The following CHN1 variants were observed in gnomAD, a reference collection of about 807,000 sequenced individuals.
CHN1 encodes chimerin 1, also known as N-chimaerin.
In CHN1, 37 loss-of-function variants were observed where a neutral mutation model predicts 59.5. The ratio of observed to expected loss-of-function variants is 0.62; its 90% CI spans 0.48 to 0.82. CHN1 has a LOEUF of 0.82. Among genes scored for constraint, CHN1 ranks in the 40% least tolerant of loss-of-function variants. The pLI is 0.00. For synonymous variants in CHN1, 206 were observed against 200.4 expected, an observed-to-expected ratio of 1.03 and a Z score of -0.24; for missense variants, 469 against 571.0, an observed-to-expected ratio of 0.82 and a Z score of 1.82.
Position 175,005,319 on chromosome 2 carries a change from CG to C in CHN1, c.-408del. ...AGCAGCAGCCTCGCACAGCCCCCGG[CG>C]GGGCGCGCTCACTCCGCATCCCGCG... On this transcript the variant is annotated 5_prime_UTR_variant, in exon 1 of 13. It removes the in-frame stop codon of an upstream open reading frame in the 5' UTR. Transcript: ENST00000409900. 3 of 1,180,830 alleles carry C rather than the reference CG, an allele frequency of 2.5e-6. No homozygotes were observed. The highest frequency in any genetic ancestry group is 3.2e-6 in the Non-Finnish European group (3 of 936,654). 73.1% of individuals were successfully genotyped at this position (1,180,830 alleles called of 1,614,324 possible).
At chr2:174,955,146 CTATA>C (rs1296512290) in intron 1 of CHN1, among the ~76,000 whole-genome samples, 2 of 135,206 alleles carry the variant, frequency 1.5e-5, no homozygotes, top group Admixed American at 7.8e-5. Flanking sequence ...CTATATATCT[CTATA>C]TATCTATGTC....
chr2:174,875,062 C>T (rs780471064), intron 6 of CHN1, among the ~76,000 whole-genome samples: 4 of 151,546 alleles, frequency 2.6e-5, no homozygotes, highest in South Asian at 4.2e-4. Context: ...TTAGTAGAGA[C>T]GAGGTTTCAC....
intron 11 of CHN1, among the ~76,000 whole-genome samples, chr2:174,807,259 G>A (rs1334273670): frequency 6.6e-6 from 1 of 152,146 alleles, no homozygotes; most frequent in African/African-American, 2.4e-5. Context: ...CCTAGATATG[G>A]CGGTGTGTGG....
At chr2:174,959,235 T>G (rs933492475) in intron 1 of CHN1, among the ~76,000 whole-genome samples, 6 of 152,234 alleles carry the variant, frequency 3.9e-5, no homozygotes, top group African/African-American at 1.4e-4. Flanking sequence ...CAGGTATCTA[T>G]TAAGGCAGAG....
intron 6 of CHN1, among the ~76,000 whole-genome samples, chr2:174,876,549 G>A (rs536995230): frequency 7.4e-4 from 113 of 152,088 alleles, no homozygotes; most frequent in Admixed American, 2.7e-3. Context: ...AAGATTTGTG[G>A]TTCCTAACAA....
chr2:174,822,147 T>A (rs1213198517), intron 8 of CHN1, among the ~76,000 whole-genome samples: 1 of 152,220 alleles, frequency 6.6e-6, no homozygotes, highest in East Asian at 1.9e-4. Context: ...CTCCGTGTTT[T>A]CAAAATGAGT....
chr2:174,826,986 A>G (rs1470717066), intron 7 of CHN1, among the ~76,000 whole-genome samples: 1 of 152,038 alleles, frequency 6.6e-6, no homozygotes, highest in African/African-American at 2.4e-5. Flanking sequence ...GTAGCTCTCC[A>G]TGAAAATGTT....
chr2:174,813,877 A>C (rs1296878671), intron 8 of CHN1, among the ~76,000 whole-genome samples: 1 of 152,220 alleles, frequency 6.6e-6, no homozygotes, highest in Non-Finnish European at 1.5e-5. Context: ...TGTTTTGAGA[A>C]TTAATGAGCC....
At chr2:174,886,261 C>T (rs184066099) in intron 5 of CHN1, among the ~76,000 whole-genome samples, 1 of 152,320 alleles carries the variant, frequency 6.6e-6, no homozygotes, top group East Asian at 1.9e-4. Context: ...ATATAAATTA[C>T]ACCATCCTAA....
intron 1 of CHN1, among the ~76,000 whole-genome samples, chr2:174,996,931 G>C (rs1028520988): frequency 1.3e-5 from 2 of 152,112 alleles, no homozygotes; most frequent in Non-Finnish European, 2.9e-5. Context: ...AAATTCACCT[G>C]TCTGTGAGGC....
rs535377161 is a variant in CHN1 at position 174,827,590 on chromosome 2, C to T, written c.628-3072G>A. On this transcript the variant is annotated intron_variant, in intron 7 of 12. Coordinates refer to ENST00000409900, the MANE Select transcript of CHN1 (RefSeq NM_001822.7). ...CTGTCCAGTGAACAATGCAGAGCCA[C>T]TGAGGATTGTTAAGGGGAGTGACAC... is the stretch of plus-strand genomic sequence containing the variant. Among the ~76,000 whole-genome samples the T allele has an allele frequency of 1.2e-3, 190 of 152,196 alleles. 2 individuals carry two copies. Among genetic ancestry groups the T allele is most frequent in the Admixed American group, 0.012 (190 of 15,290 alleles).
intron 3 of CHN1, among the ~76,000 whole-genome samples, chr2:174,931,321 CA>C (rs1285595848): frequency 2.0e-5 from 3 of 151,986 alleles, no homozygotes; most frequent in South Asian, 4.2e-4. Context: ...TTTTTGGAAC[CA>C]AAAGTTGCAC....
intron 6 of CHN1, chr2:174,875,848 T>G (rs1687548844): frequency 1.0e-6 from 1 of 984,782 alleles, no homozygotes; most frequent in South Asian, 4.7e-5. Context: ...TCATCAACCC[T>G]GTCCTGTTGG....
intron 1 of CHN1, among the ~76,000 whole-genome samples, chr2:174,994,536 A>G (rs1691643896): frequency 6.6e-6 from 1 of 152,154 alleles, no homozygotes; most frequent in Non-Finnish European, 1.5e-5. Context: ...ACTTCATCCA[A>G]TGGGGGGACA....
chr2:174,900,531 C>T (rs961521883), intron 5 of CHN1, among the ~76,000 whole-genome samples: 8 of 152,114 alleles, frequency 5.3e-5, no homozygotes, highest in Non-Finnish European at 8.8e-5. Flanking sequence ...CAAGGCCAGG[C>T]GCAGTGGCTC....
intron 1 of CHN1, among the ~76,000 whole-genome samples, chr2:174,976,303 T>C (rs1207300840): frequency 6.6e-6 from 1 of 151,834 alleles, no homozygotes; most frequent in Non-Finnish European, 1.5e-5. Context: ...AGTGGCACGA[T>C]CTCGGCTCAC....
Position 174,831,223 on chromosome 2 carries a change from TACC to T in CHN1, c.628-6708_628-6706del, listed in dbSNP as rs1246026961. On this transcript the variant is annotated intron_variant, in intron 7 of 12. Transcript: ENST00000409900. ...TAAATTATTCTCATAAAAATACATT[TACC>T]ACAATTCAATATTGGCCTTATTAAC... is the stretch of plus-strand genomic sequence containing the variant. 8.5e-5 allele frequency among the ~76,000 whole-genome samples: 13 copies of T among 152,348 alleles called. No homozygotes were observed. The East Asian group carries it at 2.5e-3, about 29-fold the overall frequency.
intron 1 of CHN1, among the ~76,000 whole-genome samples, chr2:174,977,432 A>T (rs1461296932): frequency 6.6e-6 from 1 of 152,236 alleles, no homozygotes; most frequent in Non-Finnish European, 1.5e-5. Context: ...GGCTGAAAAT[A>T]AACAATTAAA....
chr2:174,861,685 TAGAG>T (rs751753028), intron 6 of CHN1, among the ~76,000 whole-genome samples: 8 of 152,328 alleles, frequency 5.3e-5, no homozygotes, highest in Non-Finnish European at 1.0e-4. Context: ...AAAAACATGT[TAGAG>T]AGAAAATTTT....
Sources: gnomAD v4.1 joint callset for allele counts (sites outside exome capture counted in the v4.1 genomes callset) on GRCh38, gnomAD v4.1.1 for gene constraint, MANE v1.5 for transcripts, NCBI Gene and HGNC (gene_info 2026-07-23, HGNC 2026-07-21) for gene names.